Variants in LRMDA observed in about 807,000 individuals in gnomAD.
The protein encoded by LRMDA is leucine rich melanocyte differentiation associated, also known as leucine-rich melanocyte differentiation-associated protein.
A neutral mutation model predicts 29.8 loss-of-function variants in LRMDA; 18 were observed. The observed-to-expected ratio is 0.60, with a 90% CI of 0.42 to 0.90. The LOEUF is 0.90. LRMDA is among the 40% of genes least tolerant of loss of function. LRMDA has a pLI of 0.00. For synonymous variants in LRMDA, 125 were observed against 109.4 expected (o/e 1.14, Z -0.89); for missense variants, 273 against 273.9 (o/e 1.00, Z 0.02).
intron 2 of LRMDA, among the ~76,000 whole-genome samples, chr10:75,570,845 C>A (rs900525683): frequency 2.0e-5 from 3 of 152,118 alleles, no homozygotes; most frequent in Middle Eastern, 3.4e-3. Context: ...CCTTTTTGGC[C>A]GTAAAATTCC....
At chr10:75,978,279 A>T (rs974124758) in intron 2 of LRMDA, among the ~76,000 whole-genome samples, 1 of 152,256 alleles carries the variant, frequency 6.6e-6, no homozygotes, top group Non-Finnish European at 1.5e-5. Flanking sequence ...TCATGGTGTC[A>T]TGAGGAACCC....
intron 6 of LRMDA, among the ~76,000 whole-genome samples, chr10:76,354,266 G>A (rs1055114167): frequency 9.9e-5 from 15 of 152,182 alleles, no homozygotes; most frequent in Non-Finnish European, 2.1e-4. Context: ...GTCAAAGGAG[G>A]ACATTGTGAT....
At chr10:76,540,802 G>A (rs1843345396) in intron 6 of LRMDA, among the ~76,000 whole-genome samples, 1 of 152,062 alleles carries the variant, frequency 6.6e-6, no homozygotes, top group African/African-American at 2.4e-5. Context: ...CTGTTTATTC[G>A]AGTCTGCACT....
intron 6 of LRMDA, among the ~76,000 whole-genome samples, chr10:76,497,283 T>C (rs1842884333): frequency 1.3e-5 from 1 of 74,980 alleles, no homozygotes; most frequent in African/African-American, 3.3e-5. Context: ...CCCAATGTTG[T>C]CTGCATTTGT....
chr10:76,117,642 C>G (rs147672932), intron 5 of LRMDA, among the ~76,000 whole-genome samples: 369 of 152,320 alleles, frequency 2.4e-3, no homozygotes, highest in African/African-American at 7.9e-3. Flanking sequence ...CTGTGGCCTT[C>G]GAGTGAGTTA....
At chr10:76,021,707 G>C (rs145372258) in intron 2 of LRMDA, among the ~76,000 whole-genome samples, 2 of 152,164 alleles carry the variant, frequency 1.3e-5, no homozygotes, top group Non-Finnish European at 1.5e-5. Flanking sequence ...CTTAAGCCAG[G>C]CCTCTCCAGC....
intron 2 of LRMDA, among the ~76,000 whole-genome samples, chr10:75,979,542 A>G (rs929485564): frequency 5.9e-5 from 9 of 152,278 alleles, no homozygotes; most frequent in African/African-American, 2.2e-4. Flanking sequence ...AGATGGAGAA[A>G]CTTAGTCTAG....
intron 5 of LRMDA, among the ~76,000 whole-genome samples, chr10:76,313,157 C>G (rs904664475): frequency 6.6e-6 from 1 of 152,166 alleles, no homozygotes; most frequent in African/African-American, 2.4e-5. Context: ...TAAGTGAGAG[C>G]TTTGTCAGGG....
chr10:75,789,499 C>T (rs1329947247), intron 2 of LRMDA, among the ~76,000 whole-genome samples: 2 of 152,126 alleles, frequency 1.3e-5, no homozygotes, highest in Non-Finnish European at 1.5e-5. Flanking sequence ...CATTTCACTG[C>T]CCCTAGGGGT....
chr10:76,557,337 G>A lies in LRMDA; in HGVS notation c.*49G>A. ...CCATTTCATGAAAATAAAATCAAAA[G>A]GGAAATCAAAAATAAAGAAAACGCT... On this transcript the variant is annotated 3_prime_UTR_variant, in exon 7 of 7. Transcript: ENST00000611255. The A allele has an allele frequency of 6.9e-7, 1 of 1,450,970 alleles. No homozygotes were observed. The highest frequency in any genetic ancestry group is 9.6e-7 in the Non-Finnish European group (1 of 1,037,838). 89.9% of individuals were successfully genotyped at this position (1,450,970 alleles called of 1,614,324 possible). A position where few individuals can be genotyped will look rare whatever the true frequency, so the allele number is the denominator to read the frequency against.
At chr10:75,947,987 C>A (rs749474961) in intron 2 of LRMDA, among the ~76,000 whole-genome samples, 3 of 152,188 alleles carry the variant, frequency 2.0e-5, no homozygotes, top group Non-Finnish European at 4.4e-5. Flanking sequence ...CCCACTATTA[C>A]TTCTTCAGCC....
At chr10:76,192,546 G>A (rs1344671778) in intron 5 of LRMDA, among the ~76,000 whole-genome samples, 1 of 152,168 alleles carries the variant, frequency 6.6e-6, no homozygotes. Flanking sequence ...TTGAATGCAT[G>A]GCTCCCTGAA....
intron 2 of LRMDA, among the ~76,000 whole-genome samples, chr10:75,711,651 T>C (rs1719942018): frequency 6.6e-6 from 1 of 152,160 alleles, no homozygotes; most frequent in South Asian, 2.1e-4. Context: ...TTATTGTGAA[T>C]AGGGGGTAAG....
At chr10:76,239,062 C>T in intron 5 of LRMDA, among the ~76,000 whole-genome samples, 1 of 152,268 alleles carries the variant, frequency 6.6e-6, no homozygotes, top group East Asian at 1.9e-4. Flanking sequence ...GGCAAATTTT[C>T]CTGCCTCATG....
intron 2 of LRMDA, among the ~76,000 whole-genome samples, chr10:75,767,963 G>A (rs1425677583): frequency 6.6e-6 from 1 of 152,218 alleles, no homozygotes; most frequent in Non-Finnish European, 1.5e-5. Flanking sequence ...CTTGGAGACT[G>A]TGGTGATGCA....
At chr10:75,920,901 C>A (rs1393486987) in intron 2 of LRMDA, among the ~76,000 whole-genome samples, 5 of 152,104 alleles carry the variant, frequency 3.3e-5, no homozygotes, top group Admixed American at 1.3e-4. Context: ...ATAGGGTGTG[C>A]GGATGGGCCA....
At chr10:76,476,331 A>C (rs576383084) in intron 6 of LRMDA, among the ~76,000 whole-genome samples, 4 of 151,830 alleles carry the variant, frequency 2.6e-5, no homozygotes, top group Non-Finnish European at 5.9e-5. Flanking sequence ...GCACATACAC[A>C]CTCCCAAGAC....
intron 2 of LRMDA, among the ~76,000 whole-genome samples, chr10:75,686,302 C>T (rs1484550119): frequency 6.6e-6 from 1 of 152,172 alleles, no homozygotes; most frequent in Admixed American, 6.5e-5. Flanking sequence ...CCAGAGTCTT[C>T]TTCCTGCATT....
At chr10:75,489,828 A>G (rs140056915) in intron 2 of LRMDA, among the ~76,000 whole-genome samples, 61 of 152,296 alleles carry the variant, frequency 4.0e-4, no homozygotes, top group African/African-American at 1.4e-3. Context: ...AGCTTATTTG[A>G]TGAGGGTAGT....
Sources: allele counts gnomAD v4.1 joint callset (sites outside exome capture counted in the v4.1 genomes callset), GRCh38; gene constraint gnomAD v4.1.1; transcripts MANE v1.5; gene names NCBI Gene and HGNC (gene_info 2026-07-23, HGNC 2026-07-21).